The following PRPF8 variants were observed in gnomAD, a reference collection of about 807,000 sequenced individuals.
PRPF8 encodes the protein pre-mRNA-processing-splicing factor 8.
Under a neutral mutation model 285.9 loss-of-function variants are expected in PRPF8, and 64 were observed. That is an observed-to-expected ratio of 0.22 (90% CI 0.18 to 0.28). The LOEUF (loss-of-function observed/expected upper bound fraction) is 0.28, where lower values mean the gene tolerates loss of function less well. Among genes scored for constraint, PRPF8 ranks in the 10% least tolerant of loss-of-function variants. The pLI is 1.00. For synonymous variants in PRPF8, 1,325 were observed against 1,118.2 expected (o/e 1.18, Z -3.69); for missense variants, 1,426 against 3,026.7 (o/e 0.47, Z 12.41).
chr17:1,666,646 A>T (rs1912003675), intron 24 of PRPF8, among the ~76,000 whole-genome samples: 1 of 152,210 alleles, frequency 6.6e-6, no homozygotes, highest in South Asian at 2.1e-4. Context: ...AAGATAGCAA[A>T]CCACAAAATA....
chr17:1,652,239 C>T (rs185039829), intron 39 of PRPF8: 47 of 307,390 alleles, frequency 1.5e-4, no homozygotes, highest in East Asian at 1.0e-3. Flanking sequence ...AACCTGACAG[C>T]CACTAAATAG....
Position 1,679,724 on chromosome 17 carries a change from G to C in PRPF8, c.1174C>G (p.Pro392Ala). ...TTGGCTGTATTGTCTGTATAGAGGG[G>C]TGTGTCCTTCAGGAAGGGCTCCACA... ...EFVEPFLKDT[P>A]LYTDNTANGI... Residue 392 changes from proline (P) to alanine (A), a missense_variant, in exon 9 of 43, where the codon CCC (proline) becomes GCC (alanine). Pro to Ala is a conservative substitution (Grantham distance 27). Coordinates refer to ENST00000304992, the MANE Select transcript of PRPF8 (RefSeq NM_006445.4). This position sits in a 1 kb window ranked among gnomAD's most constrained non-coding sequence, Gnocchi z 4.7. 6.2e-7 allele frequency: 1 copy of C among 1,614,190 alleles called. No homozygotes were observed. Among genetic ancestry groups the C allele is most frequent in the Non-Finnish European group, 8.5e-7 (1 of 1,180,032 alleles).
chr17:1,661,439 T>G lies in PRPF8; in HGVS notation c.4203-33A>C, dbSNP rs764346498. ...AAAAAGAAAGATTCAAGTCAAAACG[T>G]GATCTCATATGAGGAGCTCAGCACT... On this transcript the variant is annotated intron_variant, in intron 26 of 42. Coordinates refer to ENST00000304992, the MANE Select transcript of PRPF8 (RefSeq NM_006445.4). The surrounding 1 kb of genome is among the most constrained non-coding windows in gnomAD (Gnocchi z 7.3). 1 of 1,614,036 alleles carries G rather than the reference T, an allele frequency of 6.2e-7. No individual in the cohort carries two copies.
chr17:1,674,602 C>T lies in PRPF8; in HGVS notation c.3139G>A (p.Val1047Met). The T allele has an allele frequency of 6.2e-7, 1 of 1,614,146 alleles. No homozygotes were observed. ...ASFIVQYYGL[V>M]MDLLVLGLHR... ...AATCCCAATACAAGCAAATCCATCACCAGGCCATAATACTGCACGATGAAT... is the reference window on the plus strand; with the variant it reads ...AATCCCAATACAAGCAAATCCATCATCAGGCCATAATACTGCACGATGAAT... The change falls in exon 21 of 43, where the codon GTG becomes ATG. Residue 1047 changes from valine to methionine, a missense_variant. Physicochemically the swap from Val to Met is conservative, Grantham distance 21 (BLOSUM62 1). This residue lies in a region of PRPF8 where 32 missense variants were observed against 89.2 expected (regional missense o/e 0.36). Transcript: ENST00000304992.
chr17:1,651,175 C>A lies in PRPF8; in HGVS notation c.6786G>T (p.Leu2262=), dbSNP rs779108226. The A allele has an allele frequency of 2.5e-6, 4 of 1,614,086 alleles. No individual in the cohort carries two copies. The African/African-American group carries it at 5.3e-5, about 22-fold the overall frequency. Residue 2262 remains leucine, a synonymous_variant, in exon 42 of 43, where the codon CTG becomes CTT. Coordinates refer to ENST00000304992, the MANE Select transcript of PRPF8 (RefSeq NM_006445.4). The surrounding 1 kb of genome is among the most constrained non-coding windows in gnomAD (Gnocchi z 5.1). ...LPSHYERVQM[L]LSDRFLGFFM... is the part of the protein sequence containing the mutation. ...AGAAGCCAAGGAAACGGTCCGACAG[C>A]AGCATCTGCACCCTCTCATAGTGTG...
chr17:1,684,441 G>A (rs775107715), intron 2 of PRPF8, 31 bp downstream of exon 2: 10 of 1,610,886 alleles, frequency 6.2e-6, no homozygotes, highest in African/African-American at 1.3e-5. Context: ...CCCGCCTCCG[G>A]CCCGCGCGCC....
At chr17:1,669,115 T>C (rs1912163072) in intron 24 of PRPF8, among the ~76,000 whole-genome samples, 1 of 152,126 alleles carries the variant, frequency 6.6e-6, no homozygotes, top group South Asian at 2.1e-4. Context: ...TACCTACTTT[T>C]CTTTTCTTCG....
rs1912473022 is a variant in PRPF8 at position 1,674,023 on chromosome 17, ATTTTT to A, written c.3300-136_3300-132del. ...CCCTCCCCGGGCTTCATTCCATTTT[ATTTTT>A]ATTTATTTATTTTTTGAGACAGTCT... On this transcript the variant is annotated intron_variant, in intron 21 of 42. Coordinates refer to ENST00000304992, the MANE Select transcript of PRPF8 (RefSeq NM_006445.4). 61 of 992,498 alleles carry A rather than the reference ATTTTT, an allele frequency of 6.1e-5. 2 individuals carry two copies. The South Asian group carries it at 8.3e-4, about 13-fold the overall frequency. 61.5% of individuals were successfully genotyped at this position (992,498 alleles called of 1,614,324 possible). A position where few individuals can be genotyped will look rare whatever the true frequency, so the allele number is the denominator to read the frequency against.
chr17:1,660,603 A>T, intron 29 of PRPF8, 25 bp from the exon 30 acceptor site: 1 of 1,614,130 alleles, frequency 6.2e-7, no homozygotes, highest in Non-Finnish European at 8.5e-7. Flanking sequence ...ACAATGTGAC[A>T]TTAGAGATCA....
chr17:1,679,316 G>A lies in PRPF8; in HGVS notation c.1384C>T (p.Arg462Trp), dbSNP rs756080435. ...KYYVLNALKH[R>W]PPKAQKKRYL... ...CTCTTCTTTTGAGCCTTAGGGGGCC[G>A]ATGCTTCAGGGCATTCAGCACATAG... Residue 462 changes from arginine to tryptophan, a missense_variant, in exon 10 of 43, where the codon CGG becomes TGG. By Grantham distance (101) the Arg-to-Trp change is moderately radical. Around this residue, in one of 34 missense-constraint regions of PRPF8, gnomAD observed 137 missense variants for 161.2 expected, o/e 0.85. Transcript: ENST00000304992. This position sits in a 1 kb window ranked among gnomAD's most constrained non-coding sequence, Gnocchi z 4.7. 3.1e-6 allele frequency: 5 copies of A among 1,614,094 alleles called. No homozygotes were observed. Among genetic ancestry groups the A allele is most frequent in the South Asian group, 2.2e-5 (2 of 91,080 alleles).
rs776957553 is a variant in PRPF8, at chr17:1,673,065, C to A, written c.3774+16G>T. 30 of 1,611,592 alleles carry A rather than the reference C, an allele frequency of 1.9e-5. No homozygotes were observed. The highest frequency in any genetic ancestry group is 1.3e-4 in the Admixed American group (8 of 59,988). ...AGCAGAGGACAAGAGGGAAGCTGGGCATGACGGCCCTGTACCTTGGTGAAG... is the reference window on the plus strand; with the variant it reads ...AGCAGAGGACAAGAGGGAAGCTGGGAATGACGGCCCTGTACCTTGGTGAAG... On this transcript the variant is annotated intron_variant, in intron 24 of 42. Transcript: ENST00000304992. This position sits in a 1 kb window ranked among gnomAD's most constrained non-coding sequence, Gnocchi z 5.5.
At chr17:1,654,128 A>G in intron 37 of PRPF8, 112 bp from the exon 38 acceptor site, 8 of 1,497,880 alleles carry the variant, frequency 5.3e-6, no homozygotes, top group Non-Finnish European at 7.4e-6. Context: ...CACGCCCCAG[A>G]CAATCCACAA....
intron 13 of PRPF8, among the ~76,000 whole-genome samples, chr17:1,678,022 A>C (rs1368676549): frequency 6.6e-6 from 1 of 152,142 alleles, no homozygotes; most frequent in Non-Finnish European, 1.5e-5. Flanking sequence ...TGAGAAAGTT[A>C]AGTCCAGTGA....
chr17:1,656,364 A>G, intron 36 of PRPF8, 28 bp downstream of exon 36: 2 of 1,614,112 alleles, frequency 1.2e-6, no homozygotes, highest in Non-Finnish European at 1.7e-6. Flanking sequence ...CTCCTCCTCC[A>G]GCGATCTTCT....
At chr17:1,664,435 T>C (rs143642615) in intron 24 of PRPF8, among the ~76,000 whole-genome samples, 36 of 152,178 alleles carry the variant, frequency 2.4e-4, no homozygotes, top group African/African-American at 8.4e-4. Flanking sequence ...AACCTAACAA[T>C]AGCAGAATAC....
chr17:1,674,573 G>A lies in PRPF8; in HGVS notation c.3168C>T (p.His1056=), dbSNP rs1005053685. Residue 1056 remains histidine (H), a synonymous_variant, in exon 21 of 43, where the codon CAC becomes CAT. Coordinates refer to ENST00000304992, the MANE Select transcript of PRPF8 (RefSeq NM_006445.4). ...GGGGCCCAGCCATCTCACTGGCCCG[G>A]TGCAATCCCAATACAAGCAAATCCA... ...LVMDLLVLGL[H]RASEMAGPPQ... 11 of 1,614,138 alleles carry A rather than the reference G, an allele frequency of 6.8e-6. No individual in the cohort carries two copies. Among genetic ancestry groups the A allele is most frequent in the African/African-American group, 4.0e-5 (3 of 75,018 alleles).
rs1912457869 is a variant in PRPF8 at position 1,673,824 on chromosome 17, T to C, written c.3368A>G (p.Glu1123Gly). The C allele has an allele frequency of 2.5e-6, 4 of 1,614,106 alleles. No individual in the cohort carries two copies. Among genetic ancestry groups the C allele is most frequent in the Non-Finnish European group, 3.4e-6 (4 of 1,180,022 alleles). ...CTTGTTATTATAGCCAACGATGTTT[T>C]CATTATTGGGGTCAGGGTGCTCTGT... The part of the protein sequence containing the change: ...YLTEHPDPNN[E>G]NIVGYNNKKC... Residue 1123 changes from glutamate to glycine, a missense_variant, in exon 22 of 43, where the codon GAA (glutamate) becomes GGA (glycine). Glu to Gly is a moderately conservative substitution (Grantham distance 98). Around this residue, in one of 34 missense-constraint regions of PRPF8, gnomAD observed 148 missense variants for 196.2 expected, o/e 0.75. Transcript: ENST00000304992. The surrounding 1 kb of genome is among the most constrained non-coding windows in gnomAD (Gnocchi z 5.5).
Position 1,678,367 on chromosome 17 carries a change from C to A in PRPF8, c.1854+151G>T, listed in dbSNP as rs1912725727. 5 of 1,009,052 alleles carry A rather than the reference C, an allele frequency of 5.0e-6. No homozygotes were observed. The East Asian group carries it at 1.2e-4, about 25-fold the overall frequency. 62.5% of individuals were successfully genotyped at this position (1,009,052 alleles called of 1,614,324 possible). On this transcript the variant is annotated intron_variant, in intron 13 of 42. Coordinates refer to ENST00000304992, the MANE Select transcript of PRPF8 (RefSeq NM_006445.4). ...GCGTGGTGGCGGGCACCTGTAATCC[C>A]AGCTACTCGGGAGGCTGAGGCAGGA...
intron 6 of PRPF8, among the ~76,000 whole-genome samples, 169 bp downstream of exon 6, chr17:1,681,309 G>C (rs1037292946): frequency 9.2e-5 from 14 of 152,084 alleles, no homozygotes; most frequent in African/African-American, 3.4e-4. Context: ...TCAAACTTCT[G>C]GGCTCAAGCA....
Sources: allele counts gnomAD v4.1 joint callset (sites outside exome capture counted in the v4.1 genomes callset), GRCh38; gene constraint gnomAD v4.1.1; regional missense constraint gnomAD v4.1.1; non-coding constraint Gnocchi (gnomAD v3.1); transcripts MANE v1.5; gene names NCBI Gene and HGNC (gene_info 2026-07-23, HGNC 2026-07-21).